The following WDFY3 variants were observed in gnomAD, a reference collection of about 807,000 sequenced individuals.
The protein encoded by WDFY3 is WD repeat and FYVE domain containing 3.
A neutral mutation model predicts 409.6 loss-of-function variants in WDFY3; 66 were observed. The observed-to-expected ratio is 0.16, with a 90% CI of 0.13 to 0.20. The LOEUF (loss-of-function observed/expected upper bound fraction) is 0.20. WDFY3 is among the 10% of genes least tolerant of loss of function. The probability of loss-of-function intolerance (pLI) is 1.00; values close to 1 mark genes in which losing one functional copy is unlikely to be tolerated. For missense variants in WDFY3, 3,031 were observed against 4,298.1 expected (o/e 0.71, Z 8.24); for synonymous variants, 1,521 against 1,537.1 (o/e 0.99, Z 0.25).
At chr4:84,803,076 T>A (rs923656029) in intron 16 of WDFY3, among the ~76,000 whole-genome samples, 1 of 152,240 alleles carries the variant, frequency 6.6e-6, no homozygotes, top group Non-Finnish European at 1.5e-5. Flanking sequence ...ACCTTGGTTG[T>A]CTTTGTAATG....
At chr4:84,844,642 T>C (rs544539365) in intron 5 of WDFY3, 10 of 595,304 alleles carry the variant, frequency 1.7e-5, no homozygotes, top group African/African-American at 1.6e-4. Context: ...GGGATTGCAC[T>C]ACTAGGTTTA....
chr4:84,730,807 A>AC (rs1736469974), intron 44 of WDFY3, among the ~76,000 whole-genome samples: 1 of 146,602 alleles, frequency 6.8e-6, no homozygotes, highest in South Asian at 2.2e-4. Flanking sequence ...CTCTCTCTGT[A>AC]TTTTTTTTTT....
chr4:84,775,430 A>G (rs1008185163), intron 27 of WDFY3, among the ~76,000 whole-genome samples: 1 of 152,046 alleles, frequency 6.6e-6, no homozygotes, highest in Non-Finnish European at 1.5e-5. Context: ...AGACAACCAA[A>G]GCCCCCTAAT....
chr4:84,748,214 C>T (rs1424668146), intron 36 of WDFY3, among the ~76,000 whole-genome samples: 1 of 152,184 alleles, frequency 6.6e-6, no homozygotes, highest in Non-Finnish European at 1.5e-5. Context: ...TAGAAGCCAA[C>T]ACAGGCCACG....
intron 5 of WDFY3, 195 bp downstream of exon 5, chr4:84,849,707 T>C: frequency 1.6e-6 from 1 of 613,960 alleles, no homozygotes; most frequent in Non-Finnish European, 2.6e-6. Flanking sequence ...CAGAGTAGCC[T>C]TGAGCAGAAC....
intron 43 of WDFY3, among the ~76,000 whole-genome samples, chr4:84,734,085 A>G (rs1179540150): frequency 1.3e-5 from 2 of 152,344 alleles, no homozygotes; most frequent in South Asian, 2.1e-4. Context: ...AAACATTTCC[A>G]AAGATTTTAG....
rs956429054 is a variant in WDFY3 at position 84,817,485 on chromosome 4, G to A, written c.1794C>T (p.Leu598=). 2.5e-6 allele frequency: 4 copies of A among 1,613,848 alleles called. No homozygotes were observed. The highest frequency in any genetic ancestry group is 8.5e-7 in the Non-Finnish European group (1 of 1,179,818). The change falls in exon 13 of 68, where the codon CTC becomes CTT. Residue 598 remains leucine (L), a synonymous_variant. Transcript: ENST00000295888. ...CCATGTCATCGTCCCCATTTGGGGAGAGCACCAGCTGTTGGATAGTCATCA... is the reference window on the plus strand; with the variant it reads ...CCATGTCATCGTCCCCATTTGGGGAAAGCACCAGCTGTTGGATAGTCATCA... ...HALMTIQQLV[L]SPNGDDDMGT... is the part of the protein sequence containing the mutation.
At chr4:84,701,175 C>T (rs886923239) in intron 56 of WDFY3, among the ~76,000 whole-genome samples, 5 of 152,180 alleles carry the variant, frequency 3.3e-5, no homozygotes, top group Non-Finnish European at 4.4e-5. Context: ...TGATTGTTCT[C>T]GTTGACTATT....
At chr4:84,829,318 G>T (rs1755322957) in intron 8 of WDFY3, 128 bp from the exon 9 acceptor site, 2 of 758,836 alleles carry the variant, frequency 2.6e-6, no homozygotes, top group Non-Finnish European at 4.0e-6. Flanking sequence ...TGAGATAAAT[G>T]TAACACATTC....
At chr4:84,809,561 C>A in intron 14 of WDFY3, 2 of 217,140 alleles carry the variant, frequency 9.2e-6, no homozygotes, top group Non-Finnish European at 9.1e-6. Flanking sequence ...ATCAATAAGT[C>A]CAGATGCACC....
At chr4:84,822,815 T>G (rs1210659355) in intron 10 of WDFY3, among the ~76,000 whole-genome samples, 3 of 152,190 alleles carry the variant, frequency 2.0e-5, no homozygotes, top group African/African-American at 7.2e-5. Flanking sequence ...TATATATGAT[T>G]TCAATTCTCT....
rs1725478799 is a variant in WDFY3 at position 84,671,818 on chromosome 4, TCTTTC to T, written c.*1045_*1049del. The T allele has an allele frequency of 6.6e-6, 1 of 152,598 alleles. No individual in the cohort carries two copies. The highest frequency in any genetic ancestry group is 2.4e-5 in the African/African-American group (1 of 41,448). The allele number at this position is 152,598 out of a possible 1,614,324, so 9.5% of individuals were successfully genotyped here. A position where few individuals can be genotyped will look rare whatever the true frequency, so the allele number is the denominator to read the frequency against. ...TATATGTTAATTCTGTACACTTCTTTCTTTCCTTTTTTTACCCCTTGTTTGAAAAT... is the reference window on the plus strand; with the variant it reads ...TATATGTTAATTCTGTACACTTCTTTCTTTTTTTACCCCTTGTTTGAAAAT... On this transcript the variant is annotated 3_prime_UTR_variant, in exon 68 of 68. Transcript: ENST00000295888.
chr4:84,905,894 T>C (rs1238691143), intron 2 of WDFY3, among the ~76,000 whole-genome samples: 1 of 152,162 alleles, frequency 6.6e-6, no homozygotes, highest in Non-Finnish European at 1.5e-5. Context: ...TCCTTCAATT[T>C]TCAGCTTCAA....
At chr4:84,731,811 T>C (rs546017115) in intron 44 of WDFY3, among the ~76,000 whole-genome samples, 9 of 152,350 alleles carry the variant, frequency 5.9e-5, no homozygotes, top group African/African-American at 1.7e-4. Flanking sequence ...ATTATGGTTA[T>C]TGTAAAAATA....
At chr4:84,676,867 G>C (rs917257060) in intron 67 of WDFY3, among the ~76,000 whole-genome samples, 1 of 152,110 alleles carries the variant, frequency 6.6e-6, no homozygotes, top group Admixed American at 6.5e-5. Context: ...ATGGAGAATG[G>C]GTGTGATTGG....
At chr4:84,735,185 C>A (rs1381322085) in intron 42 of WDFY3, 65 bp from the exon 43 acceptor site, 22 of 1,409,290 alleles carry the variant, frequency 1.6e-5, no homozygotes, top group Non-Finnish European at 1.9e-5. Flanking sequence ...AGTTAATTAC[C>A]CTTGAAATTA....
rs1343674542 is a variant in WDFY3 at position 84,808,559 on chromosome 4, G to A, written c.2346-142C>T. ...CATATTCAGCAGGAACAAGGAACAA[G>A]ACTACAACACAAGCACTGAATGAAA... On this transcript the variant is annotated intron_variant, in intron 14 of 67. Transcript: ENST00000295888. The A allele has an allele frequency of 4.7e-6, 3 of 643,336 alleles. No homozygotes were observed. In the African/African-American group the frequency reaches 5.5e-5, roughly 12 times the overall value. 39.9% of individuals were successfully genotyped at this position (643,336 alleles called of 1,614,324 possible).
chr4:84,851,424 T>G (rs894242204), intron 4 of WDFY3, among the ~76,000 whole-genome samples: 1 of 152,184 alleles, frequency 6.6e-6, no homozygotes, highest in African/African-American at 2.4e-5. Context: ...TAATGCTCCC[T>G]AAATATGGTT....
At chr4:84,689,636 G>T (rs1560533604) in intron 61 of WDFY3, among the ~76,000 whole-genome samples, 1 of 152,076 alleles carries the variant, frequency 6.6e-6, no homozygotes, top group Non-Finnish European at 1.5e-5. Context: ...CTTTATAATA[G>T]CTTTGAAGTC....
Sources: gnomAD v4.1 joint callset for allele counts (sites outside exome capture counted in the v4.1 genomes callset) on GRCh38, gnomAD v4.1.1 for gene constraint, MANE v1.5 for transcripts, NCBI Gene and HGNC (gene_info 2026-07-23, HGNC 2026-07-21) for gene names.